The following SGCZ variants were observed in gnomAD, a reference collection of about 807,000 sequenced individuals.
The protein encoded by SGCZ is sarcoglycan zeta.
SGCZ carries 40 observed loss-of-function variants against 41.3 expected under a neutral mutation model. The observed-to-expected ratio is 0.97, with a 90% CI of 0.75 to 1.26. The LOEUF (loss-of-function observed/expected upper bound fraction) is 1.26. SGCZ is among the 50% of genes most tolerant of loss of function. The pLI is 0.00. For synonymous variants in SGCZ, 206 were observed against 137.5 expected (o/e 1.50, Z -3.49); for missense variants, 552 against 369.8 (o/e 1.49, Z -4.04).
At chr8:14,094,828 C>T (rs1257880791) in intron 7 of SGCZ, among the ~76,000 whole-genome samples, 1 of 152,162 alleles carries the variant, frequency 6.6e-6, no homozygotes, top group Non-Finnish European at 1.5e-5. Context: ...GATCACCATT[C>T]TAACTGGCGT....
intron 3 of SGCZ, among the ~76,000 whole-genome samples, chr8:14,292,588 C>G (rs749681381): frequency 6.6e-6 from 1 of 152,118 alleles, no homozygotes; most frequent in South Asian, 2.1e-4. Flanking sequence ...CTAAAATATT[C>G]CATGTTTATA....
chr8:14,551,369 T>A (rs1803803594), intron 2 of SGCZ, among the ~76,000 whole-genome samples: 1 of 130,974 alleles, frequency 7.6e-6, no homozygotes, highest in Non-Finnish European at 1.6e-5. Flanking sequence ...ATCAACCAAA[T>A]AGCAATTGAT....
chr8:14,664,764 A>G (rs190742357), intron 1 of SGCZ, among the ~76,000 whole-genome samples: 1 of 152,192 alleles, frequency 6.6e-6, no homozygotes, highest in Non-Finnish European at 1.5e-5. Flanking sequence ...TACTCTCATA[A>G]TTTGAATTCT....
At chr8:14,564,056 C>T (rs1804284929) in intron 1 of SGCZ, among the ~76,000 whole-genome samples, 1 of 152,024 alleles carries the variant, frequency 6.6e-6, no homozygotes, top group Admixed American at 6.5e-5. Flanking sequence ...TCTGTTTAGA[C>T]CTGTGTTCCC....
At chr8:14,427,993 T>C (rs755039878) in intron 2 of SGCZ, among the ~76,000 whole-genome samples, 1 of 152,116 alleles carries the variant, frequency 6.6e-6, no homozygotes, top group Non-Finnish European at 1.5e-5. Flanking sequence ...ATCTAGGTTA[T>C]ATGCAAATAC....
intron 1 of SGCZ, among the ~76,000 whole-genome samples, chr8:14,996,608 G>A (rs1802228550): frequency 6.6e-6 from 1 of 152,076 alleles, no homozygotes; most frequent in South Asian, 2.1e-4. Flanking sequence ...TCAGATGGTG[G>A]AATTCAGAAC....
intron 2 of SGCZ, among the ~76,000 whole-genome samples, chr8:14,339,610 G>T (rs1187973031): frequency 6.6e-6 from 1 of 152,186 alleles, no homozygotes; most frequent in Non-Finnish European, 1.5e-5. Context: ...GTGCAGCCAT[G>T]TTAGGAGGTT....
chr8:14,512,523 G>C (rs540617818), intron 2 of SGCZ, among the ~76,000 whole-genome samples: 1 of 152,038 alleles, frequency 6.6e-6, no homozygotes, highest in South Asian at 2.1e-4. Flanking sequence ...TGCAGTGGCA[G>C]GACGATAGCT....
chr8:14,839,564 C>G (rs1245490426), intron 1 of SGCZ, among the ~76,000 whole-genome samples: 1 of 152,158 alleles, frequency 6.6e-6, no homozygotes, highest in Non-Finnish European at 1.5e-5. Context: ...TTTTATTCAT[C>G]TACATTATGT....
chr8:14,857,253 G>A (rs1563319060), intron 1 of SGCZ, among the ~76,000 whole-genome samples: 1 of 152,062 alleles, frequency 6.6e-6, no homozygotes, highest in Non-Finnish European at 1.5e-5. Flanking sequence ...CATGCTTCCT[G>A]CACAGCCTGC....
intron 2 of SGCZ, chr8:14,332,802 T>C (rs1585374639): frequency 6.6e-6 from 1 of 151,254 alleles, no homozygotes; most frequent in East Asian, 1.9e-4. Flanking sequence ...GAGTATAGAG[T>C]ATGTAGATAT....
At chr8:14,518,388 C>T (rs1014932099) in intron 2 of SGCZ, among the ~76,000 whole-genome samples, 9 of 151,996 alleles carry the variant, frequency 5.9e-5, no homozygotes, top group African/African-American at 2.2e-4. Flanking sequence ...ATAAATATTA[C>T]ACATGGAATA....
At chr8:14,245,492 C>G (rs1027695333) in intron 3 of SGCZ, among the ~76,000 whole-genome samples, 28 of 152,108 alleles carry the variant, frequency 1.8e-4, no homozygotes, top group African/African-American at 6.5e-4. Flanking sequence ...CATAAATACC[C>G]TAGAAGAAAA....
chr8:14,999,922 G>C (rs10088159), intron 1 of SGCZ, among the ~76,000 whole-genome samples: 7 of 151,934 alleles, frequency 4.6e-5, no homozygotes, highest in Non-Finnish European at 1.0e-4. Context: ...AGGGTGTTAC[G>C]GGCTGAATGC....
chr8:14,620,695 T>C (rs1806256195), intron 1 of SGCZ, among the ~76,000 whole-genome samples: 1 of 152,122 alleles, frequency 6.6e-6, no homozygotes, highest in Non-Finnish European at 1.5e-5. Flanking sequence ...AAAATGCTCA[T>C]CATCACTTGC....
At chr8:14,958,580 G>A (rs1269345857) in intron 1 of SGCZ, among the ~76,000 whole-genome samples, 2 of 152,018 alleles carry the variant, frequency 1.3e-5, no homozygotes, top group African/African-American at 4.8e-5. Flanking sequence ...AAACTGACTA[G>A]AAAGGATAAT....
intron 1 of SGCZ, among the ~76,000 whole-genome samples, chr8:15,168,386 T>A (rs551068308): frequency 2.0e-5 from 3 of 152,200 alleles, no homozygotes; most frequent in Non-Finnish European, 4.4e-5. Context: ...ACGCAGAGGC[T>A]ACTGACGGTA....
At chr8:14,868,977 C>A (rs942370774) in intron 1 of SGCZ, among the ~76,000 whole-genome samples, 10 of 152,174 alleles carry the variant, frequency 6.6e-5, no homozygotes, top group African/African-American at 2.4e-4. Context: ...AGCCCAGGAC[C>A]AGACAGATTC....
chr8:14,890,722 G>A (rs948500745), intron 1 of SGCZ, among the ~76,000 whole-genome samples: 4 of 152,164 alleles, frequency 2.6e-5, no homozygotes, highest in Non-Finnish European at 5.9e-5. Flanking sequence ...CCTTCCATTG[G>A]TAGAAGATGC....
Sources: gnomAD v4.1 joint callset for allele counts (sites outside exome capture counted in the v4.1 genomes callset) on GRCh38, gnomAD v4.1.1 for gene constraint, MANE v1.5 for transcripts, NCBI Gene and HGNC (gene_info 2026-07-23, HGNC 2026-07-21) for gene names.